The following LMO7 variants were observed in gnomAD, a reference collection of about 807,000 sequenced individuals.
LMO7 encodes the protein LIM domain only protein 7.
LMO7 carries 120 observed loss-of-function variants against 206.5 expected under a neutral mutation model. That is an observed-to-expected ratio of 0.58 (90% CI 0.50 to 0.68). The LOEUF (loss-of-function observed/expected upper bound fraction) is 0.68. Among genes scored for constraint, LMO7 ranks in the 30% least tolerant of loss-of-function variants. The pLI is 0.00. For missense variants in LMO7, 1,959 were observed against 1,957.9 expected (o/e 1.00, Z -0.01); for synonymous variants, 706 against 681.5 (o/e 1.04, Z -0.56).
At position 75,838,317 on chromosome 13, in the gene LMO7, C is replaced by T. The variant is rs182379413; in HGVS notation, c.3451+121C>T. 2.1e-3 allele frequency: 3,264 copies of T among 1,533,558 alleles called. 5 individuals are homozygous for T. The highest frequency in any genetic ancestry group is 3.2e-3 in the Middle Eastern group (19 of 5,910). The allele number at this position is 1,533,558 out of a possible 1,614,324, so 95.0% of individuals were successfully genotyped here. On this transcript the variant is annotated intron_variant, in intron 20 of 30. Transcript: ENST00000377534. ...CAATTTGTCTGTCATTATGACCAAG[C>T]GACATAACCCATTTCCATTCTTTCC...
intron 1 of LMO7, among the ~76,000 whole-genome samples, chr13:75,658,535 T>A (rs537489994): frequency 6.6e-6 from 1 of 152,240 alleles, no homozygotes; most frequent in South Asian, 2.1e-4. Context: ...TCTAGGAACT[T>A]CATAGTTTTT....
At chr13:75,725,081 G>C (rs902998575) in intron 2 of LMO7, among the ~76,000 whole-genome samples, 5 of 152,094 alleles carry the variant, frequency 3.3e-5, no homozygotes, top group Non-Finnish European at 7.4e-5. Flanking sequence ...TCCTTTACCT[G>C]TATCTCTTAC....
chr13:75,776,470 A>G (rs2050514805), intron 4 of LMO7, among the ~76,000 whole-genome samples: 1 of 151,902 alleles, frequency 6.6e-6, no homozygotes, highest in Non-Finnish European at 1.5e-5. Flanking sequence ...TTGGAATTAT[A>G]TGATTTGAAA....
At chr13:75,680,061 C>T (rs928174753) in intron 1 of LMO7, among the ~76,000 whole-genome samples, 2 of 152,194 alleles carry the variant, frequency 1.3e-5, no homozygotes, top group Non-Finnish European at 2.9e-5. Flanking sequence ...CGATCTCCCT[C>T]CCACAGGCCC....
chr13:75,821,520 A>G lies in LMO7; in HGVS notation c.2551A>G (p.Thr851Ala), dbSNP rs535529856. Residue 851 changes from threonine (T) to alanine (A), a missense_variant, in exon 14 of 31, where the codon ACT becomes GCT. Transcript: ENST00000377534. Reference sequence around the variant, plus strand: ...TTCTCTCCCCAGAAGTTACCGGAAAACTGATACAGTCAGGTTAACATCTGT... The same window carrying G: ...TTCTCTCCCCAGAAGTTACCGGAAAGCTGATACAGTCAGGTTAACATCTGT... ...SASLPRSYRKTDTVRLTSVVT... is the reference protein window; with the variant it reads ...SASLPRSYRKADTVRLTSVVT... 1.5e-5 allele frequency: 25 copies of G among 1,614,064 alleles called. No individual in the cohort carries two copies. In the South Asian group the frequency reaches 2.6e-4, roughly 17 times the overall value.
intron 1 of LMO7, among the ~76,000 whole-genome samples, chr13:75,653,809 T>TA (rs1389246922): frequency 1.3e-5 from 2 of 152,338 alleles, no homozygotes; most frequent in East Asian, 3.9e-4. Flanking sequence ...TCTGGTACCA[T>TA]AAGTCAACAG....
At chr13:75,735,810 T>C (rs2045770989) in intron 3 of LMO7, among the ~76,000 whole-genome samples, 2 of 152,022 alleles carry the variant, frequency 1.3e-5, no homozygotes, top group Middle Eastern at 3.4e-3. Flanking sequence ...AAATAAGCTT[T>C]ATATAAAAAT....
chr13:75,840,989 A>T lies in LMO7; in HGVS notation c.3583-120A>T. 4.6e-6 allele frequency: 3 copies of T among 653,046 alleles called. No homozygotes were observed. The East Asian group carries it at 8.4e-5, about 18-fold the overall frequency. The allele number at this position is 653,046 out of a possible 1,614,324, so 40.5% of individuals were successfully genotyped here. ...TAAAATCTGATTGGCTTATGAAAAT[A>T]AATCATGGTCTTTAAAGGTTTGAGG... On this transcript the variant is annotated intron_variant, in intron 22 of 30. Coordinates refer to ENST00000377534, the MANE Select transcript of LMO7 (RefSeq NM_001306080.2).
At chr13:75,731,264 A>G (rs1233945681) in intron 3 of LMO7, among the ~76,000 whole-genome samples, 3 of 152,154 alleles carry the variant, frequency 2.0e-5, no homozygotes, top group East Asian at 3.8e-4. Context: ...GTGGGAGTCT[A>G]AGTCTCTTTG....
At chr13:75,832,811 A>G (rs541514985) in intron 15 of LMO7, among the ~76,000 whole-genome samples, 2 of 152,326 alleles carry the variant, frequency 1.3e-5, no homozygotes, top group South Asian at 4.1e-4. Context: ...AAGTATTAAT[A>G]TGAAGAAAAA....
chr13:75,650,407 C>T (rs919457367), intron 1 of LMO7, among the ~76,000 whole-genome samples: 10 of 152,120 alleles, frequency 6.6e-5, no homozygotes, highest in African/African-American at 1.9e-4. Flanking sequence ...GGATTACAGG[C>T]GTGAGTCATT....
intron 1 of LMO7, among the ~76,000 whole-genome samples, chr13:75,694,980 C>T (rs1456144829): frequency 6.6e-6 from 1 of 152,152 alleles, no homozygotes; most frequent in African/African-American, 2.4e-5. Context: ...CCTTGAGGAG[C>T]CTCCGGATTA....
intron 29 of LMO7, among the ~76,000 whole-genome samples, chr13:75,856,295 C>T (rs2060936876): frequency 6.6e-6 from 1 of 152,114 alleles, no homozygotes; most frequent in Non-Finnish European, 1.5e-5. Context: ...GTCATCTTGG[C>T]TCTTAATATT....
intron 1 of LMO7, among the ~76,000 whole-genome samples, chr13:75,659,691 G>A (rs1223810094): frequency 6.6e-6 from 1 of 152,188 alleles, no homozygotes; most frequent in Non-Finnish European, 1.5e-5. Flanking sequence ...AACAATTCAA[G>A]TTGAGATTTG....
chr13:75,831,020 AGAT>A (rs1241710155), intron 15 of LMO7, among the ~76,000 whole-genome samples: 1 of 152,086 alleles, frequency 6.6e-6, no homozygotes, highest in Non-Finnish European at 1.5e-5. Context: ...AGAGTGGTGA[AGAT>A]GACCACTTAT....
rs10633628 is a variant in LMO7 at position 75,677,642 on chromosome 13, C to CTTTT, written c.70-35531_70-35528dup. Among the ~76,000 whole-genome samples, 115 of 147,796 alleles carry CTTTT rather than the reference C, an allele frequency of 7.8e-4. 1 individual carries two copies. The highest frequency in any genetic ancestry group is 1.3e-3 in the Admixed American group (20 of 14,892). On this transcript the variant is annotated intron_variant, in intron 1 of 30. Transcript: ENST00000377534. Reference sequence around the variant, plus strand: ...AGAAGTCTTTGTATTTGTCCTGTAGCTTTTTTTTTTTTATTATACTTTAAG... The same window carrying CTTTT: ...AGAAGTCTTTGTATTTGTCCTGTAGCTTTTTTTTTTTTTTTTATTATACTTTAAG...
At chr13:75,849,378 G>A in intron 27 of LMO7, 86 bp downstream of exon 27, 1 of 1,032,480 alleles carries the variant, frequency 9.7e-7, no homozygotes, top group South Asian at 1.4e-5. Flanking sequence ...TTGGACAGAA[G>A]AGATGAAAGG....
At chr13:75,796,902 G>T (rs2054088456) in intron 6 of LMO7, among the ~76,000 whole-genome samples, 153 bp downstream of exon 6, 1 of 152,150 alleles carries the variant, frequency 6.6e-6, no homozygotes, top group Admixed American at 6.5e-5. Flanking sequence ...GAGTAAAGAG[G>T]AATGTTACTC....
At chr13:75,784,472 C>A (rs937080723) in intron 4 of LMO7, among the ~76,000 whole-genome samples, 1 of 152,054 alleles carries the variant, frequency 6.6e-6, no homozygotes, top group East Asian at 1.9e-4. Flanking sequence ...CACTTATAGG[C>A]AGGGTAGAAT....
Sources: gnomAD v4.1 joint callset for allele counts (sites outside exome capture counted in the v4.1 genomes callset) on GRCh38, gnomAD v4.1.1 for gene constraint, MANE v1.5 for transcripts, NCBI Gene and HGNC (gene_info 2026-07-23, HGNC 2026-07-21) for gene names.